The following SDK1 variants were observed in gnomAD, a reference collection of about 807,000 sequenced individuals.
SDK1 encodes sidekick cell adhesion molecule 1.
A neutral mutation model predicts 245.5 loss-of-function variants in SDK1; 157 were observed. The ratio of observed to expected loss-of-function variants is 0.64; its 90% CI spans 0.56 to 0.73. The LOEUF is 0.73. Ranked by LOEUF, SDK1 falls within the 30% of genes least tolerant of loss-of-function variation. The pLI, the probability that SDK1 is intolerant of heterozygous loss-of-function variation, is 0.00. For missense variants in SDK1, 3,583 were observed against 3,002.3 expected, an observed-to-expected ratio of 1.19 and a Z score of -4.52; for synonymous variants, 1,647 against 1,278.5, an observed-to-expected ratio of 1.29 and a Z score of -6.15.
chr7:3,922,475 A>G (rs572739541), intron 5 of SDK1, among the ~76,000 whole-genome samples: 1 of 152,372 alleles, frequency 6.6e-6, no homozygotes, highest in South Asian at 2.1e-4. Flanking sequence ...TGGGTGTCAC[A>G]TGGAACAAAA....
At position 3,987,282 on chromosome 7, in the gene SDK1, C is replaced by T. The variant is rs745840773; in HGVS notation, c.2091C>T (p.Asn697=). ...CTTGGGTCCGGCCCTTTGATGGAAA[C>T]AGTCCTATTCTTTATTACATCGTGG... ...VLSWVRPFDG[N]SPILYYIVEL... is the part of the protein sequence containing the mutation. The change falls in exon 14 of 45, where the codon AAC becomes AAT. Residue 697 remains asparagine, a synonymous_variant. Coordinates refer to ENST00000404826, the MANE Select transcript of SDK1 (RefSeq NM_152744.4). The T allele has an allele frequency of 1.9e-6, 3 of 1,614,098 alleles. No individual in the cohort carries two copies. Among genetic ancestry groups the T allele is most frequent in the South Asian group, 2.2e-5 (2 of 91,074 alleles).
At chr7:3,605,491 C>T (rs979372797) in intron 1 of SDK1, among the ~76,000 whole-genome samples, 1 of 152,144 alleles carries the variant, frequency 6.6e-6, no homozygotes, top group Non-Finnish European at 1.5e-5. Flanking sequence ...TTGACTTTTC[C>T]TTCTTATTGG....
chr7:3,934,861 C>T (rs1780101318), intron 5 of SDK1, among the ~76,000 whole-genome samples: 1 of 152,170 alleles, frequency 6.6e-6, no homozygotes, highest in South Asian at 2.1e-4. Flanking sequence ...TGGAAAGGCA[C>T]TGGTGAGCTC....
chr7:3,305,983 G>C (rs1193888611), intron 1 of SDK1, among the ~76,000 whole-genome samples: 1 of 152,156 alleles, frequency 6.6e-6, no homozygotes, highest in African/African-American at 2.4e-5. Flanking sequence ...CAGGAGTGGT[G>C]ATGCCAGAAT....
At position 4,067,853 on chromosome 7, in the gene SDK1, G is replaced by C; in HGVS notation, c.2927G>C (p.Gly976Ala). 1 of 1,612,758 alleles carries C rather than the reference G, an allele frequency of 6.2e-7. No homozygotes were observed. The highest frequency in any genetic ancestry group is 8.5e-7 in the Non-Finnish European group (1 of 1,179,472). Residue 976 changes from glycine (G) to alanine (A), a missense_variant, in exon 20 of 45, where the codon GGA (glycine) becomes GCA (alanine). Transcript: ENST00000404826. ...WTQEDKPGAV[G>A]HLSFTEILDT... ...TAATTGGTAGAACCAGGAGCTGTGG[G>C]ACATCTGAGTTTCACAGAGATCTTG...
intron 42 of SDK1, 47 bp from the exon 43 acceptor site, chr7:4,241,746 G>C (rs752295724): frequency 6.2e-7 from 1 of 1,611,256 alleles, no homozygotes; most frequent in Admixed American, 1.7e-5. Flanking sequence ...TGGCTGCGGT[G>C]GCCACACCAG....
intron 34 of SDK1, 45 bp downstream of exon 34, chr7:4,175,879 A>C: frequency 4.5e-6 from 7 of 1,555,830 alleles, no homozygotes; most frequent in Non-Finnish European, 6.2e-6. Context: ...AGGCGCACAC[A>C]CTGTGCCCAG....
intron 1 of SDK1, among the ~76,000 whole-genome samples, chr7:3,485,521 A>G (rs1334708114): frequency 1.3e-5 from 2 of 151,942 alleles, no homozygotes; most frequent in African/African-American, 4.8e-5. Context: ...GGGTGTAGGT[A>G]ATGTGAGACT....
chr7:3,340,876 TAAAAA>T (rs1323511248), intron 1 of SDK1, among the ~76,000 whole-genome samples: 1 of 152,006 alleles, frequency 6.6e-6, no homozygotes, highest in African/African-American at 2.4e-5. Flanking sequence ...AATGCTCCCT[TAAAAA>T]AGAAAAAATC....
chr7:4,185,108 G>A (rs916989699), intron 35 of SDK1, among the ~76,000 whole-genome samples: 22 of 152,366 alleles, frequency 1.4e-4, no homozygotes, highest in South Asian at 6.2e-4. Flanking sequence ...TGGGCCAACT[G>A]TGAAGCGAGA....
At chr7:3,424,127 G>A (rs988379120) in intron 1 of SDK1, among the ~76,000 whole-genome samples, 1 of 152,094 alleles carries the variant, frequency 6.6e-6, no homozygotes, top group Non-Finnish European at 1.5e-5. Flanking sequence ...TGCCAGGCTG[G>A]TCTCAAACTC....
intron 1 of SDK1, among the ~76,000 whole-genome samples, chr7:3,503,292 CT>C (rs1782276291): frequency 6.6e-6 from 1 of 152,166 alleles, no homozygotes; most frequent in Non-Finnish European, 1.5e-5. Flanking sequence ...GATTATTTGG[CT>C]TATTTATAAA....
chr7:3,870,707 C>T (rs566884281), intron 5 of SDK1, among the ~76,000 whole-genome samples: 1 of 152,078 alleles, frequency 6.6e-6, no homozygotes, highest in East Asian at 1.9e-4. Flanking sequence ...ATAAATTTAT[C>T]AAAATGAACA....
At chr7:3,780,546 T>C (rs1484980706) in intron 4 of SDK1, among the ~76,000 whole-genome samples, 1 of 152,166 alleles carries the variant, frequency 6.6e-6, no homozygotes, top group Admixed American at 6.5e-5. Context: ...GTGGTAGGAA[T>C]TTCTACCTAG....
rs868263783 is a variant in SDK1 at position 4,265,157 on chromosome 7, A to G, written c.6415A>G (p.Lys2139Glu). Residue 2139 changes from lysine (K) to glutamate (E), a missense_variant, in exon 45 of 45, where the codon AAG becomes GAG. By Grantham distance (56) the Lys-to-Glu change is moderately conservative. Transcript: ENST00000404826. The part of the protein sequence containing the change: ...TDSDYEDALP[K>E]HSFVNHYMSD... ...CTCTGACTACGAGGACGCGCTGCCCAAGCACTCCTTCGTGAACCACTACAT... is the reference window on the plus strand; with the variant it reads ...CTCTGACTACGAGGACGCGCTGCCCGAGCACTCCTTCGTGAACCACTACAT... The G allele has an allele frequency of 1.9e-6, 3 of 1,612,514 alleles. No homozygotes were observed. Among genetic ancestry groups the G allele is most frequent in the Non-Finnish European group, 2.5e-6 (3 of 1,179,638 alleles).
chr7:3,602,267 T>C (rs1781277430), intron 1 of SDK1, among the ~76,000 whole-genome samples: 1 of 151,360 alleles, frequency 6.6e-6, no homozygotes, highest in African/African-American at 2.4e-5. Context: ...ACTTCCACAA[T>C]GGTTGAACTA....
chr7:3,403,950 C>T (rs1226841101), intron 1 of SDK1, among the ~76,000 whole-genome samples: 1 of 144,036 alleles, frequency 6.9e-6, no homozygotes, highest in Non-Finnish European at 1.5e-5. Flanking sequence ...AGGTTAGGGT[C>T]CAGACCATTG....
intron 1 of SDK1, among the ~76,000 whole-genome samples, chr7:3,474,019 G>A (rs531694943): frequency 6.7e-6 from 1 of 150,140 alleles, no homozygotes; most frequent in East Asian, 2.0e-4. Flanking sequence ...TGTAAAATGA[G>A]GGTAGCTGCC....
At chr7:3,381,288 G>T (rs1462581748) in intron 1 of SDK1, among the ~76,000 whole-genome samples, 2 of 152,082 alleles carry the variant, frequency 1.3e-5, no homozygotes, top group Admixed American at 6.5e-5. Flanking sequence ...AGAGGGGGAA[G>T]GGCAGAGTTT....
Sources: gnomAD v4.1 joint callset for allele counts (sites outside exome capture counted in the v4.1 genomes callset) on GRCh38, gnomAD v4.1.1 for gene constraint, MANE v1.5 for transcripts, NCBI Gene and HGNC (gene_info 2026-07-23, HGNC 2026-07-21) for gene names.